TRPS1: variants seen among roughly 807,000 people sequenced by gnomAD.
The protein encoded by TRPS1 is zinc finger transcription factor Trps1.
In TRPS1, 6 loss-of-function variants were observed where a neutral mutation model predicts 101.2. The ratio of observed to expected loss-of-function variants is 0.06; its 90% confidence interval spans 0.03 to 0.12. TRPS1 has a LOEUF of 0.12. TRPS1 is among the 10% of genes least tolerant of loss of function. The pLI is 1.00. For missense variants in TRPS1, 1,363 were observed against 1,567.0 expected (o/e 0.87, Z 2.20); for synonymous variants, 578 against 589.8 (o/e 0.98, Z 0.29).
chr8:115,634,601 A>G (rs1050586296), intron 1 of TRPS1, among the ~76,000 whole-genome samples: 3 of 152,180 alleles, frequency 2.0e-5, no homozygotes, highest in Non-Finnish European at 2.9e-5. Context: ...TATTATCACC[A>G]TCTTCATACC....
intron 5 of TRPS1, among the ~76,000 whole-genome samples, chr8:115,541,451 T>C (rs1195048503): frequency 1.3e-5 from 2 of 152,244 alleles, no homozygotes; most frequent in Non-Finnish European, 2.9e-5. Flanking sequence ...GCCAAGGCAA[T>C]AGAACACTTT....
At chr8:115,537,358 A>G (rs753266031) in intron 5 of TRPS1, among the ~76,000 whole-genome samples, 2 of 152,186 alleles carry the variant, frequency 1.3e-5, no homozygotes, top group Non-Finnish European at 2.9e-5. Flanking sequence ...TGAGAATGAG[A>G]ATCAAATCTT....
intron 5 of TRPS1, among the ~76,000 whole-genome samples, chr8:115,450,172 C>T (rs1037927078): frequency 6.6e-6 from 1 of 152,106 alleles, no homozygotes; most frequent in Admixed American, 6.5e-5. Context: ...CTTACAAAAA[C>T]CTGATTAAAA....
At chr8:115,511,472 C>T (rs185463453) in intron 5 of TRPS1, 1 of 151,882 alleles carries the variant, frequency 6.6e-6, no homozygotes, top group East Asian at 1.9e-4. Context: ...TTGGTGCCCA[C>T]AGCTTCAATC....
intron 1 of TRPS1, chr8:115,637,123 GA>G (rs1818788101): frequency 2.7e-6 from 1 of 368,204 alleles, no homozygotes; most frequent in Admixed American, 6.4e-5. Context: ...AGCTACAGGG[GA>G]CAGAAAAGGG....
chr8:115,577,874 C>CG (rs1313868379), intron 5 of TRPS1, among the ~76,000 whole-genome samples: 4 of 152,060 alleles, frequency 2.6e-5, no homozygotes. Context: ...CGACATACAT[C>CG]GGGGGAAGGC....
chr8:115,605,096 C>A, intron 3 of TRPS1, 94 bp from the exon 4 acceptor site: 1 of 1,176,172 alleles, frequency 8.5e-7, no homozygotes. Flanking sequence ...AAGTATTCCA[C>A]ATCAAAAAAT....
chr8:115,434,745 C>T (rs982941962), intron 5 of TRPS1, among the ~76,000 whole-genome samples: 2 of 152,190 alleles, frequency 1.3e-5, no homozygotes, highest in Admixed American at 1.3e-4. Flanking sequence ...GCAACAAATG[C>T]ATAGCATTCT....
intron 5 of TRPS1, among the ~76,000 whole-genome samples, chr8:115,489,601 T>A (rs1213547699): frequency 6.6e-6 from 1 of 152,180 alleles, no homozygotes; most frequent in Non-Finnish European, 1.5e-5. Context: ...TATAATGCTC[T>A]GAGGCCACAT....
intron 1 of TRPS1, among the ~76,000 whole-genome samples, chr8:115,637,937 T>C (rs1818807720): frequency 2.6e-5 from 4 of 152,176 alleles, no homozygotes. Context: ...ATTCTTAAGT[T>C]CTTATACCTG....
intron 1 of TRPS1, among the ~76,000 whole-genome samples, chr8:115,641,874 C>T (rs1476360402): frequency 1.3e-5 from 2 of 149,134 alleles, no homozygotes; most frequent in African/African-American, 2.6e-5. Flanking sequence ...AATGAGTCTC[C>T]GTCTCGAAAA....
At chr8:115,529,758 G>A (rs1816086535) in intron 5 of TRPS1, among the ~76,000 whole-genome samples, 1 of 152,086 alleles carries the variant, frequency 6.6e-6, no homozygotes, top group Non-Finnish European at 1.5e-5. Flanking sequence ...ATATTGAGCA[G>A]AACTATAGAA....
intron 5 of TRPS1, among the ~76,000 whole-genome samples, chr8:115,463,335 A>G (rs1814235550): frequency 6.6e-6 from 1 of 152,172 alleles, no homozygotes; most frequent in Admixed American, 6.6e-5. Flanking sequence ...CAATTTGAAA[A>G]CTGAAGAAAA....
intron 5 of TRPS1, among the ~76,000 whole-genome samples, chr8:115,424,194 C>T (rs111380800): frequency 1.5e-3 from 224 of 152,222 alleles, no homozygotes; most frequent in Middle Eastern, 0.01. Context: ...CATTTTAAAT[C>T]GAATCAATCT....
At chr8:115,612,789 T>C (rs1258939639) in intron 3 of TRPS1, among the ~76,000 whole-genome samples, 22 of 152,220 alleles carry the variant, frequency 1.4e-4, no homozygotes, top group Admixed American at 1.4e-3. Context: ...CACCCGTCTA[T>C]TGCTTTCTGA....
At chr8:115,601,288 G>C (rs182724442) in intron 4 of TRPS1, among the ~76,000 whole-genome samples, 6 of 152,244 alleles carry the variant, frequency 3.9e-5, no homozygotes, top group South Asian at 2.1e-4. Context: ...AAATTATAAA[G>C]ATACTACGTG....
At chr8:115,526,591 C>T (rs1465565308) in intron 5 of TRPS1, among the ~76,000 whole-genome samples, 1 of 151,984 alleles carries the variant, frequency 6.6e-6, no homozygotes, top group East Asian at 1.9e-4. Context: ...AGAGAGAATG[C>T]CTAAGTACTG....
At chr8:115,559,780 G>A (rs890707084) in intron 5 of TRPS1, among the ~76,000 whole-genome samples, 1 of 151,988 alleles carries the variant, frequency 6.6e-6, no homozygotes, top group Non-Finnish European at 1.5e-5. Context: ...CCTTGAAAGT[G>A]CCCTTGAAAT....
Position 115,667,704 on chromosome 8 carries a change from C to CA in TRPS1, c.-122+840dup, listed in dbSNP as rs1811956781. On this transcript the variant is annotated intron_variant, in intron 1 of 6. Coordinates refer to ENST00000395715, the MANE Select transcript of TRPS1 (RefSeq NM_014112.5). ...GAGGCGGGTGCACCAAGGGATGCGACACCCGCCTTCTCCAGAGCCCAGCTG... is the reference window on the plus strand; with the variant it reads ...GAGGCGGGTGCACCAAGGGATGCGACAACCCGCCTTCTCCAGAGCCCAGCTG... Among the ~76,000 whole-genome samples the CA allele has an allele frequency of 7.2e-5, 11 of 152,328 alleles. No homozygotes were observed. In the South Asian group the frequency reaches 2.3e-3, roughly 32 times the overall value.
Sources: gnomAD v4.1 joint callset for allele counts (sites outside exome capture counted in the v4.1 genomes callset) on GRCh38, gnomAD v4.1.1 for gene constraint, MANE v1.5 for transcripts, NCBI Gene and HGNC (gene_info 2026-07-23, HGNC 2026-07-21) for gene names.